The following PAQR8 variants were observed in gnomAD, a reference collection of about 807,000 sequenced individuals.
PAQR8 encodes the protein membrane progestin receptor beta.
In PAQR8, 17 loss-of-function variants were observed where a neutral mutation model predicts 25.2. The ratio of observed to expected loss-of-function variants is 0.67; its 90% CI spans 0.46 to 1.01. The LOEUF (loss-of-function observed/expected upper bound fraction) is 1.01, where lower values mean the gene tolerates loss of function less well. Ranked by LOEUF, PAQR8 falls within the 50% of genes least tolerant of loss-of-function variation. The pLI, the probability that PAQR8 is intolerant of heterozygous loss-of-function variation, is 0.00. For missense variants in PAQR8, 392 were observed against 448.4 expected (o/e 0.87, Z 1.14); for synonymous variants, 204 against 190.6 (o/e 1.07, Z -0.58).
intron 1 of PAQR8, among the ~76,000 whole-genome samples, chr6:52,373,021 A>T (rs1327198164): frequency 6.6e-6 from 1 of 152,188 alleles, no homozygotes; most frequent in Admixed American, 6.5e-5. Flanking sequence ...TCCAAAGCCC[A>T]TCTTGTTTAC....
intron 1 of PAQR8, among the ~76,000 whole-genome samples, chr6:52,392,780 C>T (rs1763724983): frequency 6.6e-6 from 1 of 152,126 alleles, no homozygotes; most frequent in Non-Finnish European, 1.5e-5. Context: ...ATGAAAGAAG[C>T]CCATCAGATT....
At chr6:52,367,119 G>A (rs1360081421) in intron 1 of PAQR8, among the ~76,000 whole-genome samples, 2 of 152,158 alleles carry the variant, frequency 1.3e-5, no homozygotes, top group South Asian at 4.1e-4. Flanking sequence ...ATTTGGTGGT[G>A]TCTGGAGACA....
At chr6:52,378,348 G>C (rs963531818) in intron 1 of PAQR8, among the ~76,000 whole-genome samples, 1 of 152,270 alleles carries the variant, frequency 6.6e-6, no homozygotes, top group African/African-American at 2.4e-5. Context: ...GCACAGGACA[G>C]AAGTAGGGTT....
chr6:52,373,404 T>C (rs542788815), intron 1 of PAQR8: 1 of 152,382 alleles, frequency 6.6e-6, no homozygotes, highest in South Asian at 2.1e-4. Flanking sequence ...AAGGTTTCTT[T>C]TAAATGAATT....
intron 1 of PAQR8, among the ~76,000 whole-genome samples, chr6:52,365,146 G>C (rs566212855): frequency 2.0e-5 from 3 of 151,254 alleles, no homozygotes; most frequent in Non-Finnish European, 4.4e-5. Flanking sequence ...AAAAAAAAAA[G>C]GTACCCAGAA....
intron 1 of PAQR8, among the ~76,000 whole-genome samples, chr6:52,365,723 A>C (rs1763343996): frequency 1.3e-5 from 2 of 152,222 alleles, no homozygotes; most frequent in Non-Finnish European, 2.9e-5. Flanking sequence ...AGAGTTTTTA[A>C]AGGGTAACCT....
chr6:52,386,559 T>G (rs1474252618), intron 1 of PAQR8, among the ~76,000 whole-genome samples: 1 of 152,192 alleles, frequency 6.6e-6, no homozygotes, highest in Non-Finnish European at 1.5e-5. Flanking sequence ...TTAAGTGAAT[T>G]AATGCAGAAA....
At chr6:52,386,729 C>A (rs1763637004) in intron 1 of PAQR8, among the ~76,000 whole-genome samples, 1 of 152,188 alleles carries the variant, frequency 6.6e-6, no homozygotes, top group Non-Finnish European at 1.5e-5. Context: ...ATGCTCACTA[C>A]CTGGATGATG....
At position 52,362,732 on chromosome 6, in the gene PAQR8, A is replaced by G. The variant is rs2113930390; in HGVS notation, c.-53+483A>G. Among the ~76,000 whole-genome samples the G allele has an allele frequency of 6.6e-6, 1 of 152,248 alleles. No individual in the cohort carries two copies. The highest frequency in any genetic ancestry group is 1.9e-4 in the East Asian group (1 of 5,148). ...GGCGCCCTCCGCAGGGCGGAGGGGA[A>G]CGGAACCTGGGAGGGGAGTGCGGAG... On this transcript the variant is annotated intron_variant, in intron 1 of 1. Transcript: ENST00000442253. The surrounding 1 kb of genome is among the most constrained non-coding windows in gnomAD (Gnocchi z 4.1).
At chr6:52,401,817 A>G (rs947020863) in intron 1 of PAQR8, among the ~76,000 whole-genome samples, 16 of 152,212 alleles carry the variant, frequency 1.1e-4, no homozygotes, top group Non-Finnish European at 2.1e-4. Context: ...GGTAGGTGCT[A>G]AAGAAATACA....
Position 52,405,570 on chromosome 6 carries a change from G to A in PAQR8, c.*1292G>A, listed in dbSNP as rs1469069507. On this transcript the variant is annotated 3_prime_UTR_variant, in exon 2 of 2. Coordinates refer to ENST00000442253, the MANE Select transcript of PAQR8 (RefSeq NM_133367.5). The stretch of plus-strand genomic sequence containing the variant: ...TTGTGGCCATGCAGCCCTCCCTGAG[G>A]ATTGACTTCTGCACTAATCCAGTGA... The A allele has an allele frequency of 1.8e-5, 3 of 167,100 alleles. No individual in the cohort carries two copies. The Admixed American group carries it at 2.0e-4, about 11-fold the overall frequency. The allele number at this position is 167,100 out of a possible 1,614,324, so 10.4% of individuals were successfully genotyped here.
At chr6:52,374,396 CTT>C (rs918606096) in intron 1 of PAQR8, among the ~76,000 whole-genome samples, 7 of 152,164 alleles carry the variant, frequency 4.6e-5, no homozygotes, top group African/African-American at 1.7e-4. Context: ...TCCCCTCCCT[CTT>C]TTCGTTTTGT....
intron 1 of PAQR8, among the ~76,000 whole-genome samples, chr6:52,376,653 C>T (rs1217675018): frequency 1.3e-5 from 2 of 151,962 alleles, no homozygotes; most frequent in African/African-American, 2.4e-5. Flanking sequence ...AGAGCTTACC[C>T]CCACCCCATT....
chr6:52,384,401 G>A (rs1194628770), intron 1 of PAQR8, among the ~76,000 whole-genome samples: 3 of 152,200 alleles, frequency 2.0e-5, no homozygotes, highest in Admixed American at 6.5e-5. Flanking sequence ...GTGGCGGGTG[G>A]AGGGTGAGGA....
chr6:52,395,474 C>G (rs1763757519), intron 1 of PAQR8, among the ~76,000 whole-genome samples: 1 of 152,110 alleles, frequency 6.6e-6, no homozygotes, highest in Non-Finnish European at 1.5e-5. Context: ...TCCCACTGCT[C>G]TAGATGTGTC....
chr6:52,399,551 A>G (rs2113951066), intron 1 of PAQR8, among the ~76,000 whole-genome samples: 1 of 152,308 alleles, frequency 6.6e-6, no homozygotes, highest in East Asian at 1.9e-4. Context: ...ATATTATTTA[A>G]CTCTGGATGC....
At chr6:52,368,780 A>T in intron 1 of PAQR8, among the ~76,000 whole-genome samples, 1 of 152,024 alleles carries the variant, frequency 6.6e-6, no homozygotes, top group East Asian at 1.9e-4. Context: ...TTTTTAACAG[A>T]TGAAGAGTGA....
intron 1 of PAQR8, among the ~76,000 whole-genome samples, chr6:52,379,619 CTTTTTTT>C (rs909812638): frequency 6.5e-4 from 50 of 77,244 alleles, no homozygotes; most frequent in South Asian, 8.4e-4. Context: ...ACCCAGCTTT[CTTTTTTT>C]TTTTTTTTTT....
chr6:52,380,976 T>C (rs1763552349), intron 1 of PAQR8, among the ~76,000 whole-genome samples: 1 of 152,250 alleles, frequency 6.6e-6, no homozygotes, highest in South Asian at 2.1e-4. Flanking sequence ...CTCATTTTTC[T>C]AGGTCTAATA....
Sources: gnomAD v4.1 joint callset for allele counts (sites outside exome capture counted in the v4.1 genomes callset) on GRCh38, gnomAD v4.1.1 for gene constraint, Gnocchi (gnomAD v3.1) non-coding constraint, MANE v1.5 for transcripts, NCBI Gene and HGNC (gene_info 2026-07-23, HGNC 2026-07-21) for gene names.